Variants in MED27 observed in about 807,000 individuals in gnomAD.
MED27 encodes mediator complex subunit 27.
Under a neutral mutation model 38.2 loss-of-function variants are expected in MED27, and 30 were observed. The observed-to-expected ratio is 0.79, with a 90% CI of 0.59 to 1.07. The LOEUF (loss-of-function observed/expected upper bound fraction) is 1.07, where lower values mean the gene tolerates loss of function less well. Among genes scored for constraint, MED27 ranks in the 50% least tolerant of loss-of-function variants. MED27 has a pLI of 0.00. For missense variants in MED27, 289 were observed against 397.5 expected, an observed-to-expected ratio of 0.73 and a Z score of 2.32; for synonymous variants, 122 against 153.5, an observed-to-expected ratio of 0.79 and a Z score of 1.52.
intron 3 of MED27, among the ~76,000 whole-genome samples, chr9:132,007,455 T>C (rs1412886160): frequency 6.6e-6 from 1 of 152,332 alleles, no homozygotes; most frequent in South Asian, 2.1e-4. Context: ...GAAAATATTA[T>C]GTTCTGCATG....
At chr9:131,896,923 G>A (rs1160315859) in intron 4 of MED27, among the ~76,000 whole-genome samples, 2 of 152,064 alleles carry the variant, frequency 1.3e-5, no homozygotes, top group Non-Finnish European at 2.9e-5. Context: ...GTAGAGACGG[G>A]GTTTCACCAT....
Position 132,079,814 on chromosome 9 carries a change from G to A in MED27, c.31C>T (p.Leu11=), listed in dbSNP as rs773718962. 4.3e-6 allele frequency: 7 copies of A among 1,609,380 alleles called. No individual in the cohort carries two copies. The African/African-American group carries it at 9.3e-5, about 21-fold the overall frequency. ...CTAATGGCCTGGGAAAAGGCCTCCAGGTTCACACTGACATTTATCACGTCC... is the reference window on the plus strand; with the variant it reads ...CTAATGGCCTGGGAAAAGGCCTCCAAGTTCACACTGACATTTATCACGTCC... MADVINVSVN[L]EAFSQAISAI... Residue 11 remains leucine, a synonymous_variant, in exon 1 of 8, where the codon CTG becomes TTG. Transcript: ENST00000292035.
intron 2 of MED27, among the ~76,000 whole-genome samples, chr9:132,017,383 A>T (rs1432761979): frequency 6.6e-6 from 1 of 152,208 alleles, no homozygotes; most frequent in East Asian, 1.9e-4. Flanking sequence ...TCTCAATTAC[A>T]GGTTCTGTAA....
chr9:131,944,043 A>C (rs1159949733), intron 3 of MED27, among the ~76,000 whole-genome samples: 1 of 152,048 alleles, frequency 6.6e-6, no homozygotes, highest in Non-Finnish European at 1.5e-5. Context: ...GCACAACCCA[A>C]CCATCTCTTC....
intron 4 of MED27, among the ~76,000 whole-genome samples, chr9:131,932,683 A>G (rs544444361): frequency 6.6e-6 from 1 of 152,142 alleles, no homozygotes; most frequent in African/African-American, 2.4e-5. Context: ...AATTCTACCA[A>G]ACATTTAAAG....
At chr9:132,059,330 G>C (rs1168374947) in intron 2 of MED27, among the ~76,000 whole-genome samples, 1 of 152,214 alleles carries the variant, frequency 6.6e-6, no homozygotes, top group Admixed American at 6.5e-5. Flanking sequence ...TGGGGGCTTA[G>C]TGAAAGGGAG....
intron 3 of MED27, among the ~76,000 whole-genome samples, chr9:131,972,015 ACT>A (rs1031315057): frequency 6.6e-6 from 1 of 151,890 alleles, no homozygotes; most frequent in South Asian, 2.1e-4. Context: ...AAGGCTAACT[ACT>A]CTCTCTCAAA....
chr9:132,044,979 A>G (rs1833299053), intron 2 of MED27, among the ~76,000 whole-genome samples: 1 of 152,210 alleles, frequency 6.6e-6, no homozygotes, highest in Non-Finnish European at 1.5e-5. Flanking sequence ...ATATGGGAGG[A>G]AAAACAGATG....
chr9:131,910,099 C>T (rs1003612908), intron 4 of MED27, among the ~76,000 whole-genome samples: 3 of 152,168 alleles, frequency 2.0e-5, no homozygotes, highest in Non-Finnish European at 4.4e-5. Context: ...TAAGGGGAAA[C>T]CGAGGCGCTG....
In MED27 at chr9:131,951,205, G is replaced by A. The variant is rs1398399689; in HGVS notation, c.480-11731C>T. ...TGTCTACTGAACAGAACCTTCAGTA[G>A]AGAAGCCTTCTCCAAGGCCCTCAAA... On this transcript the variant is annotated intron_variant, in intron 3 of 7. Coordinates refer to ENST00000292035, the MANE Select transcript of MED27 (RefSeq NM_004269.4). 2.0e-5 allele frequency among the ~76,000 whole-genome samples: 3 copies of A among 152,244 alleles called. No individual in the cohort carries two copies. The South Asian group carries it at 6.2e-4, about 32-fold the overall frequency.
intron 2 of MED27, among the ~76,000 whole-genome samples, chr9:132,026,933 G>T (rs756063590): frequency 1.3e-5 from 2 of 152,224 alleles, no homozygotes; most frequent in Admixed American, 1.3e-4. Flanking sequence ...AGGCACAGAC[G>T]TTAAGCGGCA....
chr9:131,889,095 G>T lies in MED27; in HGVS notation c.681+4790C>A, dbSNP rs1473405188. On this transcript the variant is annotated intron_variant, in intron 5 of 7. Transcript: ENST00000292035. The surrounding 1 kb of genome is among the most constrained non-coding windows in gnomAD (Gnocchi z 4.2). ...ACAAATCAAAATGTTCCCTGCATCT[G>T]ATATCAAACAGGGCTGATGCCAACA... Among the ~76,000 whole-genome samples, 1 of 152,160 alleles carries T rather than the reference G, an allele frequency of 6.6e-6. No individual in the cohort carries two copies. The highest frequency in any genetic ancestry group is 1.5e-5 in the Non-Finnish European group (1 of 68,028).
At chr9:131,944,589 G>A (rs1249915710) in intron 3 of MED27, among the ~76,000 whole-genome samples, 5 of 150,192 alleles carry the variant, frequency 3.3e-5, no homozygotes, top group Non-Finnish European at 4.4e-5. Context: ...GTGCAGTGGC[G>A]CAATCTCAGC....
rs749572506 is a variant in MED27, at chr9:131,917,479, C to T, written c.573+21902G>A. Among the ~76,000 whole-genome samples the T allele has an allele frequency of 1.3e-5, 2 of 151,860 alleles. No homozygotes were observed. Among genetic ancestry groups the T allele is most frequent in the Non-Finnish European group, 2.9e-5 (2 of 68,002 alleles). On this transcript the variant is annotated intron_variant, in intron 4 of 7. Coordinates refer to ENST00000292035, the MANE Select transcript of MED27 (RefSeq NM_004269.4). This position sits in a 1 kb window ranked among gnomAD's most constrained non-coding sequence, Gnocchi z 4.6. ...GAAGATGAGGGGAGGCAGAGTGTTTCAAAGCAGGTAGACCAGGAGACCAAT... is the reference window on the plus strand; with the variant it reads ...GAAGATGAGGGGAGGCAGAGTGTTTTAAAGCAGGTAGACCAGGAGACCAAT...
chr9:132,034,914 T>C (rs1247682489), intron 2 of MED27, among the ~76,000 whole-genome samples: 2 of 152,174 alleles, frequency 1.3e-5, no homozygotes, highest in Non-Finnish European at 1.5e-5. Flanking sequence ...GTGGCCTAGT[T>C]TATTCACCGA....
intron 4 of MED27, among the ~76,000 whole-genome samples, chr9:131,895,228 C>CT (rs1187088107): frequency 3.3e-5 from 5 of 152,184 alleles, no homozygotes; most frequent in African/African-American, 1.2e-4. Context: ...TTTGCTAAAG[C>CT]TTTTCATTTC....
intron 4 of MED27, among the ~76,000 whole-genome samples, chr9:131,918,450 C>G (rs1295940077): frequency 6.6e-6 from 1 of 152,182 alleles, no homozygotes; most frequent in East Asian, 1.9e-4. Context: ...ACAATGTATA[C>G]CTAGTAAGTA....
chr9:132,076,003 C>T (rs1485143089), intron 2 of MED27, among the ~76,000 whole-genome samples: 1 of 152,192 alleles, frequency 6.6e-6, no homozygotes, highest in Non-Finnish European at 1.5e-5. Context: ...GGGCACCTAT[C>T]AAGTTTGGGC....
intron 4 of MED27, among the ~76,000 whole-genome samples, chr9:131,897,602 C>T (rs1276161832): frequency 2.6e-5 from 4 of 152,078 alleles, no homozygotes; most frequent in Non-Finnish European, 5.9e-5. Context: ...GATACCATGG[C>T]TGTTATTTGT....
Sources: allele counts gnomAD v4.1 joint callset (sites outside exome capture counted in the v4.1 genomes callset), GRCh38; gene constraint gnomAD v4.1.1; non-coding constraint Gnocchi (gnomAD v3.1); transcripts MANE v1.5; gene names NCBI Gene and HGNC (gene_info 2026-07-23, HGNC 2026-07-21).